TNFRSF1B: variants seen among roughly 807,000 people sequenced by gnomAD.
TNFRSF1B encodes the protein tumor necrosis factor receptor superfamily member 1B.
Under a neutral mutation model 44.6 loss-of-function variants are expected in TNFRSF1B, and 19 were observed. The ratio of observed to expected loss-of-function variants is 0.43; its 90% CI spans 0.30 to 0.62. TNFRSF1B has a LOEUF of 0.62. Among genes scored for constraint, TNFRSF1B ranks in the 20% least tolerant of loss-of-function variants. TNFRSF1B has a pLI of 0.16. For missense variants in TNFRSF1B, 541 were observed against 619.9 expected, an observed-to-expected ratio of 0.87 and a Z score of 1.35; for synonymous variants, 252 against 261.1, an observed-to-expected ratio of 0.97 and a Z score of 0.34.
At position 12,174,414 on chromosome 1, in the gene TNFRSF1B, G is replaced by A. The variant is rs201623786; in HGVS notation, c.78+7245G>A. On this transcript the variant is annotated intron_variant, in intron 1 of 9. Transcript: ENST00000376259. ...AGGCATGCACCACCACACCCGGCTA[G>A]TTTTTGTATTTTTAGTAGAGATGGG... 1.4e-4 allele frequency among the ~76,000 whole-genome samples: 22 copies of A among 151,970 alleles called. No homozygotes were observed. In the East Asian group the frequency reaches 2.9e-3, roughly 20 times the overall value.
At chr1:12,172,434 T>C (rs534079228) in intron 1 of TNFRSF1B, among the ~76,000 whole-genome samples, 1 of 152,354 alleles carries the variant, frequency 6.6e-6, no homozygotes, top group African/African-American at 2.4e-5. Context: ...TAAAAGTGCT[T>C]TCTAATCCTG....
intron 9 of TNFRSF1B, 94 bp downstream of exon 9, chr1:12,202,265 C>A (rs1469240402): frequency 7.4e-6 from 11 of 1,484,308 alleles, no homozygotes; most frequent in South Asian, 6.5e-5. Context: ...AGCCTCCCCG[C>A]AGGGTGGGAC....
chr1:12,190,983 A>G lies in TNFRSF1B; in HGVS notation c.205A>G (p.Lys69Glu), dbSNP rs1639104510. The G allele has an allele frequency of 6.2e-7, 1 of 1,613,994 alleles. No homozygotes were observed. Among genetic ancestry groups the G allele is most frequent in the African/African-American group, 1.3e-5 (1 of 74,912 alleles). The part of the protein sequence containing the change: ...PGQHAKVFCT[K>E]TSDTVCDSCE... ...CCAACATGCAAAAGTCTTCTGTACCAAGACCTCGGACACCGTGTGTGACTC... is the reference window on the plus strand; with the variant it reads ...CCAACATGCAAAAGTCTTCTGTACCGAGACCTCGGACACCGTGTGTGACTC... The change falls in exon 3 of 10, where the codon AAG (lysine) becomes GAG (glutamate). Residue 69 changes from lysine (K) to glutamate (E), a missense_variant. By Grantham distance (56) the Lys-to-Glu change is moderately conservative. Transcript: ENST00000376259.
At position 12,188,818 on chromosome 1, in the gene TNFRSF1B, C is replaced by T. The variant is rs760020939; in HGVS notation, c.101C>T (p.Pro34Leu). The T allele has an allele frequency of 1.1e-5, 17 of 1,613,696 alleles. No individual in the cohort carries two copies. Among genetic ancestry groups the T allele is most frequent in the Admixed American group, 6.7e-5 (4 of 59,978 alleles). Residue 34 changes from proline (P) to leucine (L), a missense_variant, in exon 2 of 10, where the codon CCG becomes CTG. By Grantham distance (98) the Pro-to-Leu change is moderately conservative. Transcript: ENST00000376259. ...CAGGTGGCATTTACACCCTACGCCC[C>T]GGAGCCCGGGAGCACATGCCGGCTC... ...PAQVAFTPYA[P>L]EPGSTCRLRE...
chr1:12,181,414 G>A (rs1638802139), intron 1 of TNFRSF1B, among the ~76,000 whole-genome samples: 1 of 152,010 alleles, frequency 6.6e-6, no homozygotes, highest in Non-Finnish European at 1.5e-5. Flanking sequence ...ACCTCCCCAG[G>A]GGCCTTTGCT....
rs939025619 is a variant in TNFRSF1B at position 12,199,707 on chromosome 1, G to T, written c.901-2260G>T. Reference sequence around the variant, plus strand: ...GAGGCAGGAGGTCTCAGCCTTTCTTGGGGGGCGGTGGCACCTGCGCTGCTC... The same window carrying T: ...GAGGCAGGAGGTCTCAGCCTTTCTTTGGGGGCGGTGGCACCTGCGCTGCTC... On this transcript the variant is annotated intron_variant, in intron 8 of 9. Transcript: ENST00000376259. The surrounding 1 kb of genome is among the most constrained non-coding windows in gnomAD (Gnocchi z 4.0). Among the ~76,000 whole-genome samples, 3 of 152,134 alleles carry T rather than the reference G, an allele frequency of 2.0e-5. No homozygotes were observed. Among genetic ancestry groups the T allele is most frequent in the Non-Finnish European group, 4.4e-5 (3 of 68,008 alleles).
chr1:12,196,497 C>A (rs750247168), intron 8 of TNFRSF1B, among the ~76,000 whole-genome samples: 20 of 152,122 alleles, frequency 1.3e-4, no homozygotes, highest in Non-Finnish European at 2.1e-4. Context: ...AGTGGAGAAC[C>A]ACTGCTCGAG....
In TNFRSF1B at chr1:12,167,002, A is replaced by G. The variant is rs566046013; in HGVS notation, c.-90A>G. On this transcript the variant is annotated 5_prime_UTR_variant, in exon 1 of 10. Coordinates refer to ENST00000376259, the MANE Select transcript of TNFRSF1B (RefSeq NM_001066.3). ...GGGCTTTCGCTTTCAGTCGAGGGCTAGCGAGCGCAGCGGAGCCTGGAGAGA... is the reference window on the plus strand; with the variant it reads ...GGGCTTTCGCTTTCAGTCGAGGGCTGGCGAGCGCAGCGGAGCCTGGAGAGA... The G allele has an allele frequency of 9.9e-7, 1 of 1,015,196 alleles. No individual in the cohort carries two copies. The highest frequency in any genetic ancestry group is 1.3e-6 in the Non-Finnish European group (1 of 788,580). The allele number at this position is 1,015,196 out of a possible 1,614,324, so 62.9% of individuals were successfully genotyped here. A position where few individuals can be genotyped will look rare whatever the true frequency, so the allele number is the denominator to read the frequency against.
chr1:12,174,494 C>A (rs914738814), intron 1 of TNFRSF1B, among the ~76,000 whole-genome samples: 1 of 152,138 alleles, frequency 6.6e-6, no homozygotes, highest in Non-Finnish European at 1.5e-5. Context: ...GTGATCTGCC[C>A]GCCTTGGCCT....
At chr1:12,174,065 A>G (rs540761216) in intron 1 of TNFRSF1B, among the ~76,000 whole-genome samples, 4 of 151,822 alleles carry the variant, frequency 2.6e-5, no homozygotes, top group Non-Finnish European at 5.9e-5. Context: ...CTGCCCTTGC[A>G]TCTAGCCTGT....
In TNFRSF1B at chr1:12,181,976, C is replaced by T. The variant is rs561978605; in HGVS notation, c.79-6820C>T. ...AGAGCATCAACCAGGCCCACACTCT[C>T]ATTTTACAGGCAGAGAAACTGAGGC... On this transcript the variant is annotated intron_variant, in intron 1 of 9. Coordinates refer to ENST00000376259, the MANE Select transcript of TNFRSF1B (RefSeq NM_001066.3). Among the ~76,000 whole-genome samples the T allele has an allele frequency of 3.3e-5, 5 of 152,354 alleles. No individual in the cohort carries two copies. The South Asian group carries it at 1.0e-3, about 32-fold the overall frequency.
chr1:12,192,970 T>G lies in TNFRSF1B; in HGVS notation c.659T>G (p.Val220Gly), dbSNP rs745706109. 6.2e-7 allele frequency: 1 copy of G among 1,614,174 alleles called. No homozygotes were observed. Among genetic ancestry groups the G allele is most frequent in the East Asian group, 2.2e-5 (1 of 44,878 alleles). ...GGGGCAGTACACTTACCCCAGCCAG[T>G]GTCCACACGATCCCAACACACGCAG... ...APGAVHLPQP[V>G]STRSQHTQPT... The change falls in exon 6 of 10, where the codon GTG (valine) becomes GGG (glycine). Residue 220 changes from valine (V) to glycine (G), a missense_variant. Transcript: ENST00000376259.
intron 1 of TNFRSF1B, among the ~76,000 whole-genome samples, chr1:12,174,008 G>A (rs1638577458): frequency 6.6e-6 from 1 of 152,052 alleles, no homozygotes; most frequent in South Asian, 2.1e-4. Flanking sequence ...TGTGCAGGGG[G>A]GAGTGCGGGG....
At chr1:12,198,594 G>A (rs372581210) in intron 8 of TNFRSF1B, among the ~76,000 whole-genome samples, 1 of 152,072 alleles carries the variant, frequency 6.6e-6, no homozygotes, top group Non-Finnish European at 1.5e-5. Flanking sequence ...GACCTGGCCC[G>A]TGGCTCTGCT....
chr1:12,200,829 C>T (rs1639375287), intron 8 of TNFRSF1B, among the ~76,000 whole-genome samples: 1 of 152,178 alleles, frequency 6.6e-6, no homozygotes, highest in African/African-American at 2.4e-5. Context: ...CCATGTTGGT[C>T]AGGCTGGTCC....
rs764362275 is a variant in TNFRSF1B, at chr1:12,206,799, A to G, written c.1165A>G (p.Ser389Gly). The G allele has an allele frequency of 1.2e-6, 2 of 1,613,608 alleles. No homozygotes were observed. The highest frequency in any genetic ancestry group is 2.2e-5 in the East Asian group (1 of 44,834). Reference sequence around the variant, plus strand: ...TGTCACCTGCATCGTGAACGTCTGTAGCAGCTCTGACCACAGCTCACAGTG... The same window carrying G: ...TGTCACCTGCATCGTGAACGTCTGTGGCAGCTCTGACCACAGCTCACAGTG... ...VNVTCIVNVC[S>G]SSDHSSQCSS... is the part of the protein sequence containing the mutation. Residue 389 changes from serine (S) to glycine (G), a missense_variant, in exon 10 of 10, where the codon AGC becomes GGC. By Grantham distance (56) the Ser-to-Gly change is moderately conservative. Transcript: ENST00000376259.
intron 9 of TNFRSF1B, among the ~76,000 whole-genome samples, chr1:12,205,885 C>G (rs1408114501): frequency 2.0e-5 from 3 of 152,070 alleles, no homozygotes; most frequent in Non-Finnish European, 4.4e-5. Context: ...GCCTTGGCCT[C>G]CCAAAGTGCT....
At chr1:12,192,276 C>G (rs865824874) in intron 4 of TNFRSF1B, 155 bp from the exon 5 acceptor site, 3 of 688,820 alleles carry the variant, frequency 4.4e-6, no homozygotes, top group South Asian at 1.5e-5. Flanking sequence ...GTACAGGCAT[C>G]TGTGTGTGTG....
chr1:12,190,660 A>G (rs1383641389), intron 2 of TNFRSF1B, among the ~76,000 whole-genome samples: 1 of 152,128 alleles, frequency 6.6e-6, no homozygotes, highest in African/African-American at 2.4e-5. Context: ...TCAAGAAGGA[A>G]GAAACTGGCA....
Sources: allele counts gnomAD v4.1 joint callset (sites outside exome capture counted in the v4.1 genomes callset), GRCh38; gene constraint gnomAD v4.1.1; non-coding constraint Gnocchi (gnomAD v3.1); transcripts MANE v1.5; gene names NCBI Gene and HGNC (gene_info 2026-07-23, HGNC 2026-07-21).